Variants in KCP observed in about 807,000 individuals in gnomAD.
KCP encodes kielin/chordin-like protein.
Under a neutral mutation model 212.7 loss-of-function variants are expected in KCP, and 194 were observed. The ratio of observed to expected loss-of-function variants is 0.91; its 90% CI spans 0.81 to 1.03. KCP has a LOEUF of 1.03. Among genes scored for constraint, KCP ranks in the 50% least tolerant of loss-of-function variants. The pLI is 0.00. For synonymous variants in KCP, 833 were observed against 865.3 expected (o/e 0.96, Z 0.65); for missense variants, 2,080 against 2,162.5 (o/e 0.96, Z 0.76).
chr7:128,879,479 G>A, intron 37 of KCP, 43 bp downstream of exon 37: 1 of 1,504,782 alleles, frequency 6.6e-7, no homozygotes, highest in Non-Finnish European at 9.0e-7. Context: ...CAGGACTGAA[G>A]CTCCCAGCAG....
rs1392807291 is a variant in KCP, at chr7:128,877,778, G to A, written c.4324C>T (p.Leu1442=). Residue 1442 remains leucine (L), a synonymous_variant, in exon 39 of 40, where the codon CTG becomes TTG. Transcript: ENST00000610776. ...FGNSWQVSEG[L]WPGRPCSAGR... is the part of the protein sequence containing the mutation. ...GCAGAACAGGGCCGGCCAGGCCACA[G>A]CCCCTCTGAGACCTGGGTGGGGAGA... The A allele has an allele frequency of 6.5e-7, 1 of 1,547,890 alleles. No individual in the cohort carries two copies. Among genetic ancestry groups the A allele is most frequent in the South Asian group, 1.2e-5 (1 of 83,876 alleles).
intron 34 of KCP, 144 bp downstream of exon 34, chr7:128,880,242 G>T: frequency 7.8e-7 from 1 of 1,282,236 alleles, no homozygotes; most frequent in Non-Finnish European, 1.1e-6. Context: ...ACCACATCGT[G>T]GTCGCACTGG....
Position 128,893,385 on chromosome 7 carries a change from G to A in KCP, c.1185+6C>T, listed in dbSNP as rs1392705875. 9.0e-6 allele frequency: 14 copies of A among 1,551,480 alleles called. No individual in the cohort carries two copies. Among genetic ancestry groups the A allele is most frequent in the African/African-American group, 1.4e-5 (1 of 73,040 alleles). Reference sequence around the variant, plus strand: ...AGATCTGGGTGTGAGCGGAGGGACCGCCTACCTGGCAGGAGCAGCGGACAC... The same window carrying A: ...AGATCTGGGTGTGAGCGGAGGGACCACCTACCTGGCAGGAGCAGCGGACAC... On this transcript the variant is annotated splice_donor_region_variant and intron_variant, in intron 12 of 39. Transcript: ENST00000610776.
chr7:128,887,342 G>T, intron 22 of KCP, 42 bp from the exon 23 acceptor site: 1 of 1,438,580 alleles, frequency 7.0e-7, no homozygotes, highest in Non-Finnish European at 9.6e-7. Context: ...GCCATCAACA[G>T]AACCTCCACT....
chr7:128,889,692 A>C (rs1793964057), intron 21 of KCP, among the ~76,000 whole-genome samples: 3 of 152,232 alleles, frequency 2.0e-5, no homozygotes, highest in Non-Finnish European at 4.4e-5. Context: ...ATCAAATTAA[A>C]TTAATAAGTG....
Position 128,880,064 on chromosome 7 carries a change from G to A in KCP, c.3781C>T (p.Pro1261Ser), listed in dbSNP as rs147956620. 25,370 of 1,545,452 alleles carry A rather than the reference G, an allele frequency of 0.016. 246 individuals carry two copies. Among genetic ancestry groups the A allele is most frequent in the Non-Finnish European group, 0.019 (21,597 of 1,145,460 alleles). Reference protein sequence around the residue: ...CGPDKAPALSPGSCCPRCLPR... With the variant: ...CGPDKAPALSSGSCCPRCLPR... ...AGGCAGCGGGGGCAGCAGCTGCCAG[G>A]ACTCAGGGCAGGGGCCTTGTCCTGC... Residue 1261 changes from proline to serine, a missense_variant, in exon 35 of 40, where the codon CCT (proline) becomes TCT (serine). By Grantham distance (74) the Pro-to-Ser change is moderately conservative. Coordinates refer to ENST00000610776, the MANE Select transcript of KCP (RefSeq NM_001366122.1).
At chr7:128,877,850 G>A (rs867184693) in intron 38 of KCP, 60 bp from the exon 39 acceptor site, 51 of 1,442,772 alleles carry the variant, frequency 3.5e-5, no homozygotes, top group Middle Eastern at 2.4e-4. Flanking sequence ...TCTGCATGCC[G>A]TGCTCTTCAA....
Position 128,888,977 on chromosome 7 carries a change from A to G in KCP, c.2398T>C (p.Cys800Arg), listed in dbSNP as rs1225761308. ...NQEFPDPREPCNLCTCLGGFV... is the reference protein window; with the variant it reads ...NQEFPDPREPRNLCTCLGGFV... ...CCTCCAAGACAGGTACACAGGTTGC[A>G]GGGTTCTCGGGGGTCTGGGAACTCC... The change falls in exon 22 of 40, where the codon TGC becomes CGC. Residue 800 changes from cysteine (C) to arginine (R), a missense_variant. Cys to Arg is a radical substitution (Grantham distance 180, BLOSUM62 -3). Coordinates refer to ENST00000610776, the MANE Select transcript of KCP (RefSeq NM_001366122.1). 6.5e-7 allele frequency: 1 copy of G among 1,545,850 alleles called. No homozygotes were observed. Among genetic ancestry groups the G allele is most frequent in the South Asian group, 1.2e-5 (1 of 83,766 alleles).
intron 21 of KCP, among the ~76,000 whole-genome samples, chr7:128,889,413 C>T (rs1288716325): frequency 2.0e-5 from 3 of 152,040 alleles, no homozygotes; most frequent in African/African-American, 2.4e-5. Context: ...CCCAAGGTAG[C>T]GCCTTTCCCA....
At chr7:128,879,866 A>G (rs1351754088) in intron 35 of KCP, 37 bp from the exon 36 acceptor site, 1 of 1,551,064 alleles carries the variant, frequency 6.4e-7, no homozygotes, top group Non-Finnish European at 8.7e-7. Context: ...AATGGTCAGC[A>G]GGGCTGGGTG....
chr7:128,887,339 A>G lies in KCP; in HGVS notation c.2513-39T>C, dbSNP rs577409014. 5.3e-5 allele frequency: 78 copies of G among 1,468,168 alleles called. No individual in the cohort carries two copies. In the African/African-American group the frequency reaches 9.5e-4, roughly 18 times the overall value. The allele number at this position is 1,468,168 out of a possible 1,614,324, so 90.9% of individuals were successfully genotyped here. A position where few individuals can be genotyped will look rare whatever the true frequency, so the allele number is the denominator to read the frequency against. Reference sequence around the variant, plus strand: ...GAGTCCAACAGAAGAGCTGCCATCAACAGAACCTCCACTGTCACACACACA... The same window carrying G: ...GAGTCCAACAGAAGAGCTGCCATCAGCAGAACCTCCACTGTCACACACACA... On this transcript the variant is annotated intron_variant, in intron 22 of 39. Coordinates refer to ENST00000610776, the MANE Select transcript of KCP (RefSeq NM_001366122.1).
In KCP at chr7:128,885,030, G is replaced by A. The variant is rs565537298; in HGVS notation, c.3040+67C>T. The A allele has an allele frequency of 2.6e-3, 3,999 of 1,541,330 alleles. 114 individuals carry two copies. In the South Asian group the frequency reaches 0.042, roughly 16 times the overall value. On this transcript the variant is annotated intron_variant, in intron 27 of 39. Coordinates refer to ENST00000610776, the MANE Select transcript of KCP (RefSeq NM_001366122.1). The stretch of plus-strand genomic sequence containing the variant: ...CCTGTCTCTGCCACCCGGCCCAGCA[G>A]CGGCAGGGAGGTGTGGGCCCAGGGC...
chr7:128,889,208 G>T (rs1326765803), intron 21 of KCP, among the ~76,000 whole-genome samples, 169 bp from the exon 22 acceptor site: 1 of 149,320 alleles, frequency 6.7e-6, no homozygotes, highest in Middle Eastern at 3.2e-3. Context: ...CGTGAGGGGG[G>T]CGGGGTTTGG....
chr7:128,900,282 A>G (rs1794773566), intron 8 of KCP, among the ~76,000 whole-genome samples: 1 of 152,234 alleles, frequency 6.6e-6, no homozygotes, highest in Non-Finnish European at 1.5e-5. Context: ...ATTATATTTC[A>G]AGAACTATGG....
chr7:128,893,619 C>G lies in KCP; in HGVS notation c.1100-143G>C, dbSNP rs1794324726. 3 of 965,156 alleles carry G rather than the reference C, an allele frequency of 3.1e-6. No individual in the cohort carries two copies. The South Asian group carries it at 4.7e-5, about 15-fold the overall frequency. The allele number at this position is 965,156 out of a possible 1,614,324, so 59.8% of individuals were successfully genotyped here. A position where few individuals can be genotyped will look rare whatever the true frequency, so the allele number is the denominator to read the frequency against. On this transcript the variant is annotated intron_variant, in intron 11 of 39. Transcript: ENST00000610776. ...GCGCCCTGCCAGCAGCCCCCTGCCC[C>G]CCACAGCTATGCCACAGAAGCGCAG...
chr7:128,907,860 G>T lies in KCP; in HGVS notation c.220-407C>A, dbSNP rs374676108. On this transcript the variant is annotated intron_variant, in intron 2 of 39. Transcript: ENST00000610776. Reference sequence around the variant, plus strand: ...AAGAATTGTTCTGGCCAGGCCTGGTGGCTCACACCTGTAATCCCAGCACTT... The same window carrying T: ...AAGAATTGTTCTGGCCAGGCCTGGTTGCTCACACCTGTAATCCCAGCACTT... 8.5e-5 allele frequency among the ~76,000 whole-genome samples: 13 copies of T among 152,286 alleles called. No individual in the cohort carries two copies. In the East Asian group the frequency reaches 2.3e-3, roughly 27 times the overall value.
intron 2 of KCP, among the ~76,000 whole-genome samples, chr7:128,908,141 A>AAAGAAAGAGAGAGAG (rs1377999052): frequency 1.5e-5 from 2 of 135,276 alleles, no homozygotes; most frequent in African/African-American, 6.4e-5. Flanking sequence ...AAAAAAAAAA[A>AAAGAAAGAGAGAGAG]AGAAAGAGAG....
rs1793083952 is a variant in KCP, at chr7:128,877,771, G to A, written c.4331C>T (p.Pro1444Leu). ...TCGGCCTGCAGAACAGGGCCGGCCA[G>A]GCCACAGCCCCTCTGAGACCTGGGT... ...NSWQVSEGLW[P>L]GRPCSAGREV... Residue 1444 changes from proline to leucine, a missense_variant, in exon 39 of 40, where the codon CCT becomes CTT. By Grantham distance (98) the Pro-to-Leu change is moderately conservative. Transcript: ENST00000610776. The A allele has an allele frequency of 6.5e-7, 1 of 1,548,968 alleles. No homozygotes were observed. Among genetic ancestry groups the A allele is most frequent in the Admixed American group, 2.0e-5 (1 of 50,952 alleles).
Position 128,879,614 on chromosome 7 carries a change from G to A in KCP, c.4054C>T (p.His1352Tyr). The part of the protein sequence containing the change: ...LQDGAVTVDG[H>Y]PVALPFLQEP... ...TGCAGGAAGGGCAAGGCCACCGGGTGCCCATCCACCTGGAGGATAAAGGAG... is the reference window on the plus strand; with the variant it reads ...TGCAGGAAGGGCAAGGCCACCGGGTACCCATCCACCTGGAGGATAAAGGAG... The change falls in exon 37 of 40, where the codon CAC (histidine) becomes TAC (tyrosine). Residue 1352 changes from histidine (H) to tyrosine (Y), a missense_variant. Coordinates refer to ENST00000610776, the MANE Select transcript of KCP (RefSeq NM_001366122.1). 1.3e-6 allele frequency: 2 copies of A among 1,550,578 alleles called. No homozygotes were observed. The highest frequency in any genetic ancestry group is 2.7e-5 in the African/African-American group (2 of 73,160).
Sources: allele counts gnomAD v4.1 joint callset (sites outside exome capture counted in the v4.1 genomes callset), GRCh38; gene constraint gnomAD v4.1.1; transcripts MANE v1.5; gene names NCBI Gene and HGNC (gene_info 2026-07-23, HGNC 2026-07-21).